The following NAV3 variants were observed in gnomAD, a reference collection of about 807,000 sequenced individuals.
The protein encoded by NAV3 is pore membrane and/or filament interacting like protein 1.
Under a neutral mutation model 244.7 loss-of-function variants are expected in NAV3, and 87 were observed. The observed-to-expected ratio is 0.36, with a 90% CI of 0.30 to 0.42. The LOEUF is 0.42. Ranked by LOEUF, NAV3 falls within the 20% of genes least tolerant of loss-of-function variation. The probability of loss-of-function intolerance (pLI) is 1.00; values close to 1 mark genes in which losing one functional copy is unlikely to be tolerated. For synonymous variants in NAV3, 1,126 were observed against 1,042.2 expected (o/e 1.08, Z -1.55); for missense variants, 2,663 against 2,893.3 (o/e 0.92, Z 1.83).
At chr12:77,857,594 T>A (rs1184618452) in intron 1 of NAV3, among the ~76,000 whole-genome samples, 1 of 151,852 alleles carries the variant, frequency 6.6e-6, no homozygotes, top group Non-Finnish European at 1.5e-5. Context: ...GTTCCTTTTG[T>A]CTGAATTTTA....
At chr12:77,970,541 G>C (rs182121704) in intron 5 of NAV3, among the ~76,000 whole-genome samples, 2 of 152,182 alleles carry the variant, frequency 1.3e-5, no homozygotes, top group Admixed American at 1.3e-4. Flanking sequence ...AAAAGCTATA[G>C]TTTTACTAAA....
chr12:77,655,332 A>G (rs1037860777), intron 2 of NAV3, among the ~76,000 whole-genome samples: 2 of 152,348 alleles, frequency 1.3e-5, no homozygotes, highest in East Asian at 3.9e-4. Context: ...GAGCCGATGC[A>G]ATCAACTGGA....
intron 3 of NAV3, among the ~76,000 whole-genome samples, chr12:77,962,694 T>A (rs1269011734): frequency 1.3e-5 from 2 of 152,128 alleles, no homozygotes; most frequent in Non-Finnish European, 2.9e-5. Context: ...CTTAGGGCAG[T>A]GTTTTACATA....
intron 2 of NAV3, among the ~76,000 whole-genome samples, chr12:77,707,082 T>A (rs538795604): frequency 1.7e-3 from 257 of 151,956 alleles, no homozygotes; most frequent in African/African-American, 5.3e-3. Context: ...TCTTTTTTTT[T>A]AATTATACTT....
chr12:78,181,586 A>G (rs1375186282), intron 30 of NAV3, among the ~76,000 whole-genome samples: 1 of 152,126 alleles, frequency 6.6e-6, no homozygotes, highest in Non-Finnish European at 1.5e-5. Context: ...ATAGAATCAT[A>G]TGACATAATG....
intron 1 of NAV3, among the ~76,000 whole-genome samples, chr12:77,884,211 G>C (rs941850385): frequency 5.9e-5 from 9 of 152,236 alleles, no homozygotes; most frequent in Non-Finnish European, 1.0e-4. Flanking sequence ...TTGATGGATG[G>C]ACGGAGGGAA....
intron 7 of NAV3, among the ~76,000 whole-genome samples, chr12:78,000,574 G>T (rs1873088575): frequency 2.2e-5 from 3 of 138,446 alleles, no homozygotes; most frequent in Admixed American, 1.5e-4. Flanking sequence ...CGCGATCTCG[G>T]CTCACTGCAA....
intron 2 of NAV3, among the ~76,000 whole-genome samples, chr12:77,591,266 A>G (rs777904302): frequency 5.9e-5 from 9 of 152,322 alleles, no homozygotes; most frequent in East Asian, 1.9e-4. Context: ...TGTTACTTCT[A>G]TCTGTCTCAA....
intron 2 of NAV3, among the ~76,000 whole-genome samples, chr12:77,705,151 G>A (rs549562727): frequency 6.6e-6 from 1 of 152,302 alleles, no homozygotes; most frequent in South Asian, 2.1e-4. Flanking sequence ...GGGTGCAGTG[G>A]CTCATGCCTG....
chr12:77,803,892 C>T (rs1275592727), intron 2 of NAV3, among the ~76,000 whole-genome samples: 1 of 152,086 alleles, frequency 6.6e-6, no homozygotes, highest in Non-Finnish European at 1.5e-5. Context: ...TGATGAGCTT[C>T]TTTTCATATG....
intron 2 of NAV3, among the ~76,000 whole-genome samples, chr12:77,585,419 AC>A (rs1869555796): frequency 6.6e-6 from 1 of 152,142 alleles, no homozygotes. Flanking sequence ...ATTTCCTAGG[AC>A]CCTGGACAGA....
intron 1 of NAV3, among the ~76,000 whole-genome samples, chr12:77,915,526 G>GA (rs145807687): frequency 4.0e-5 from 6 of 149,674 alleles, no homozygotes; most frequent in African/African-American, 9.8e-5. Flanking sequence ...CATGTTAAAA[G>GA]AAAAAAAAAG....
chr12:77,948,176 C>T (rs1890539623), intron 3 of NAV3, among the ~76,000 whole-genome samples: 1 of 151,978 alleles, frequency 6.6e-6, no homozygotes, highest in Non-Finnish European at 1.5e-5. Flanking sequence ...ATTCTTTGGT[C>T]TGCCATTTAG....
Position 77,765,127 on chromosome 12 carries a change from T to G in NAV3, c.73-175192T>G, listed in dbSNP as rs551627540. Among the ~76,000 whole-genome samples, 3 of 152,366 alleles carry G rather than the reference T, an allele frequency of 2.0e-5. No individual in the cohort carries two copies. In the South Asian group the frequency reaches 6.2e-4, roughly 32 times the overall value. ...CTAAAATCTTTTTGAAAGAACATAATGTTTTCATAACCTGGGCTGAAGGAG... is the reference window on the plus strand; with the variant it reads ...CTAAAATCTTTTTGAAAGAACATAAGGTTTTCATAACCTGGGCTGAAGGAG... On this transcript the variant is annotated intron_variant, in intron 2 of 8. Transcript: ENST00000550042.
chr12:77,976,120 C>G (rs1868350407), intron 5 of NAV3, among the ~76,000 whole-genome samples: 1 of 151,934 alleles, frequency 6.6e-6, no homozygotes, highest in African/African-American at 2.4e-5. Context: ...TTTCCATTTG[C>G]TGAAATGAAG....
intron 2 of NAV3, among the ~76,000 whole-genome samples, chr12:77,660,162 A>G (rs1024882721): frequency 2.0e-5 from 3 of 152,160 alleles, no homozygotes; most frequent in Admixed American, 6.6e-5. Flanking sequence ...TGGTGATTAA[A>G]TATATAAAAT....
chr12:77,698,886 G>C (rs12306564), intron 2 of NAV3, among the ~76,000 whole-genome samples: 4,100 of 152,132 alleles, frequency 0.027, 183 homozygotes, highest in African/African-American at 0.093. Flanking sequence ...AATAGCAGGG[G>C]TTTGGTTTTT....
chr12:77,962,314 C>T (rs1342908562), intron 3 of NAV3, among the ~76,000 whole-genome samples: 2 of 152,110 alleles, frequency 1.3e-5, no homozygotes, highest in African/African-American at 2.4e-5. Flanking sequence ...CTCAATTGAA[C>T]TCCAGATTGT....
At chr12:77,946,647 T>C (rs757906186) in intron 3 of NAV3, among the ~76,000 whole-genome samples, 12 of 152,100 alleles carry the variant, frequency 7.9e-5, no homozygotes, top group Admixed American at 7.2e-4. Context: ...TCAAAATATA[T>C]ACTGCATGTC....
Sources: gnomAD v4.1 joint callset for allele counts (sites outside exome capture counted in the v4.1 genomes callset) on GRCh38, gnomAD v4.1.1 for gene constraint, MANE v1.5 for transcripts, NCBI Gene and HGNC (gene_info 2026-07-23, HGNC 2026-07-21) for gene names.